GABBR2: variants seen among roughly 807,000 people sequenced by gnomAD.
The protein encoded by GABBR2 is gamma-aminobutyric acid type B receptor subunit 2.
In GABBR2, 23 loss-of-function variants were observed where a neutral mutation model predicts 105.6. The ratio of observed to expected loss-of-function variants is 0.22; its 90% CI spans 0.16 to 0.31. The LOEUF is 0.31. GABBR2 is among the 10% of genes least tolerant of loss of function. The probability of loss-of-function intolerance (pLI) is 1.00; values close to 1 mark genes in which losing one functional copy is unlikely to be tolerated. For missense variants in GABBR2, 734 were observed against 1,245.5 expected (o/e 0.59, Z 6.18); for synonymous variants, 478 against 499.7 (o/e 0.96, Z 0.58).
intron 3 of GABBR2, among the ~76,000 whole-genome samples, chr9:98,524,871 G>T (rs895190487): frequency 5.3e-5 from 8 of 151,912 alleles, no homozygotes; most frequent in African/African-American, 1.9e-4. Context: ...ATACTACAAT[G>T]GTCAGTCGAT....
At chr9:98,407,564 T>C (rs868328316) in intron 7 of GABBR2, among the ~76,000 whole-genome samples, 1 of 152,178 alleles carries the variant, frequency 6.6e-6, no homozygotes, top group Admixed American at 6.5e-5. Context: ...AAACACCTTC[T>C]AAAAGGATCA....
chr9:98,671,532 G>A (rs1052457756), intron 1 of GABBR2, among the ~76,000 whole-genome samples: 1 of 152,078 alleles, frequency 6.6e-6, no homozygotes, highest in Non-Finnish European at 1.5e-5. Context: ...GGAACTGCTG[G>A]GTCATATGGT....
At chr9:98,596,610 C>A (rs553945143) in intron 1 of GABBR2, among the ~76,000 whole-genome samples, 1 of 152,138 alleles carries the variant, frequency 6.6e-6, no homozygotes, top group Non-Finnish European at 1.5e-5. Flanking sequence ...AAGGAGCCGG[C>A]GATGTGGTCA....
At chr9:98,494,438 A>G (rs944039388) in intron 4 of GABBR2, among the ~76,000 whole-genome samples, 1 of 152,190 alleles carries the variant, frequency 6.6e-6, no homozygotes, top group African/African-American at 2.4e-5. Flanking sequence ...GCCTTTGCCA[A>G]CAGATGAGTA....
At chr9:98,307,909 T>G (rs191510958) in intron 14 of GABBR2, among the ~76,000 whole-genome samples, 1 of 152,308 alleles carries the variant, frequency 6.6e-6, no homozygotes, top group Admixed American at 6.5e-5. Context: ...TCTCACAGCC[T>G]GATTTATTCC....
At chr9:98,659,507 T>TC (rs1830227182) in intron 1 of GABBR2, among the ~76,000 whole-genome samples, 4 of 123,636 alleles carry the variant, frequency 3.2e-5, no homozygotes, top group Non-Finnish European at 6.4e-5. Flanking sequence ...AAACAACCTT[T>TC]TTTCTTTTCT....
intron 11 of GABBR2, among the ~76,000 whole-genome samples, chr9:98,373,053 AC>A (rs1009870226): frequency 6.6e-6 from 1 of 152,186 alleles, no homozygotes; most frequent in African/African-American, 2.4e-5. Context: ...TAGAATGGCC[AC>A]ATTATTACCC....
Position 98,454,200 on chromosome 9 carries a change from C to T in GABBR2, c.1017G>A (p.Glu339=). 1 of 1,613,074 alleles carries T rather than the reference C, an allele frequency of 6.2e-7. No homozygotes were observed. ...TISGKTPQQY[E]REYNNKRSGV... ...CTGACCGCTTGTTGTTGTACTCTCT[C>T]TCATACTGCTGTGGAGTCTGGAAAA... Residue 339 remains glutamate, a synonymous_variant, in exon 7 of 19, where the codon GAG becomes GAA. Transcript: ENST00000259455. The surrounding 1 kb of genome is among the most constrained non-coding windows in gnomAD (Gnocchi z 4.6).
chr9:98,684,169 TAAAA>T lies in GABBR2; in HGVS notation c.321+24244_321+24247del, dbSNP rs3032196. Among the ~76,000 whole-genome samples, 60 of 66,142 alleles carry T rather than the reference TAAAA, an allele frequency of 9.1e-4. 1 individual carries two copies. Among genetic ancestry groups the T allele is most frequent in the South Asian group, 2.6e-3 (5 of 1,954 alleles). 43.4% of individuals were successfully genotyped at this position (66,142 alleles called of 152,430 possible). ...AAAAGAAGAATGCATTTTACCACGGTAAAAAAAAAAAAAAAAAAAAAAAAAATTG... is the reference window on the plus strand; with the variant it reads ...AAAAGAAGAATGCATTTTACCACGGTAAAAAAAAAAAAAAAAAAAAAATTG... On this transcript the variant is annotated intron_variant, in intron 1 of 18. Transcript: ENST00000259455.
At chr9:98,665,349 G>A (rs890700716) in intron 1 of GABBR2, among the ~76,000 whole-genome samples, 5 of 152,122 alleles carry the variant, frequency 3.3e-5, no homozygotes, top group Non-Finnish European at 2.9e-5. Flanking sequence ...TGCATCTTGC[G>A]CCTCCCAACA....
intron 3 of GABBR2, among the ~76,000 whole-genome samples, chr9:98,538,022 T>C (rs994498918): frequency 9.8e-5 from 15 of 152,286 alleles, no homozygotes; most frequent in Admixed American, 2.0e-4. Flanking sequence ...CCATGGCACA[T>C]AGGAGGCCAC....
At chr9:98,397,550 A>C (rs1832316156) in intron 8 of GABBR2, among the ~76,000 whole-genome samples, 1 of 152,142 alleles carries the variant, frequency 6.6e-6, no homozygotes, top group African/African-American at 2.4e-5. Flanking sequence ...GTGTCCAATA[A>C]ATTACGGTTA....
At chr9:98,685,634 T>G (rs1379915655) in intron 1 of GABBR2, among the ~76,000 whole-genome samples, 1 of 152,240 alleles carries the variant, frequency 6.6e-6, no homozygotes, top group Non-Finnish European at 1.5e-5. Flanking sequence ...TTCTGCATTC[T>G]TGGATCTCTT....
chr9:98,655,070 C>T (rs746182577), intron 1 of GABBR2, among the ~76,000 whole-genome samples: 3 of 152,034 alleles, frequency 2.0e-5, no homozygotes, highest in Non-Finnish European at 2.9e-5. Context: ...ATAAAAAGAT[C>T]GGTGGTTGGG....
chr9:98,312,597 G>A (rs965134562), intron 13 of GABBR2, among the ~76,000 whole-genome samples: 4 of 152,136 alleles, frequency 2.6e-5, no homozygotes, highest in Admixed American at 1.3e-4. Flanking sequence ...AAATGTTCAC[G>A]CAGTGGTTTC....
chr9:98,337,728 G>A (rs1023146460), intron 13 of GABBR2, among the ~76,000 whole-genome samples: 1 of 152,198 alleles, frequency 6.6e-6, no homozygotes, highest in African/African-American at 2.4e-5. Flanking sequence ...CTATTCAATG[G>A]GGAAAGGATA....
chr9:98,674,380 C>T (rs554649236), intron 1 of GABBR2, among the ~76,000 whole-genome samples: 9 of 152,154 alleles, frequency 5.9e-5, no homozygotes, highest in Non-Finnish European at 1.3e-4. Context: ...TCTGGGGGTG[C>T]CATAGGATCC....
At chr9:98,506,852 C>T (rs2131687954) in intron 3 of GABBR2, among the ~76,000 whole-genome samples, 1 of 152,256 alleles carries the variant, frequency 6.6e-6, no homozygotes, top group Middle Eastern at 3.4e-3. Context: ...CCTGGTAGAG[C>T]TACAGGCCCT....
At chr9:98,561,480 T>C (rs1564115001) in intron 2 of GABBR2, among the ~76,000 whole-genome samples, 1 of 151,698 alleles carries the variant, frequency 6.6e-6, no homozygotes, top group Non-Finnish European at 1.5e-5. Flanking sequence ...GTGCTCAAAT[T>C]AGTAGGGGAA....
Sources: gnomAD v4.1 joint callset for allele counts (sites outside exome capture counted in the v4.1 genomes callset) on GRCh38, gnomAD v4.1.1 for gene constraint, Gnocchi (gnomAD v3.1) non-coding constraint, MANE v1.5 for transcripts, NCBI Gene and HGNC (gene_info 2026-07-23, HGNC 2026-07-21) for gene names.